EPHA6: variants seen among roughly 807,000 people sequenced by gnomAD.
The protein encoded by EPHA6 is ephrin type-A receptor 6.
EPHA6 carries 50 observed loss-of-function variants against 112.0 expected under a neutral mutation model. The observed-to-expected ratio is 0.45, with a 90% CI of 0.36 to 0.56. The LOEUF (loss-of-function observed/expected upper bound fraction) is 0.56. EPHA6 is among the 20% of genes least tolerant of loss of function. EPHA6 has a pLI of 0.00. For missense variants in EPHA6, 1,280 were observed against 1,417.4 expected, an observed-to-expected ratio of 0.90 and a Z score of 1.56; for synonymous variants, 529 against 490.7, an observed-to-expected ratio of 1.08 and a Z score of -1.03.
intron 3 of EPHA6, among the ~76,000 whole-genome samples, chr3:97,215,986 T>C (rs1019287136): frequency 6.6e-6 from 1 of 152,148 alleles, no homozygotes; most frequent in African/African-American, 2.4e-5. Context: ...ATGTTTACTC[T>C]AACAAGAAGA....
At chr3:97,109,715 A>G (rs1483953807) in intron 3 of EPHA6, among the ~76,000 whole-genome samples, 1 of 152,178 alleles carries the variant, frequency 6.6e-6, no homozygotes. Context: ...TTAACTGCAG[A>G]ATATTTACTG....
chr3:97,610,809 T>C lies in EPHA6; in HGVS notation c.2529T>C (p.Ile843=). Residue 843 remains isoleucine (I), a synonymous_variant, in exon 13 of 18, where the codon ATT becomes ATC. Transcript: ENST00000389672. ...CTTTTGCAGGCAGACCAGTAATGAT[T>C]GTGGTGGAATATATGGAGAATGGAT... ...PRIPAGRPVM[I]VVEYMENGSL... is the part of the protein sequence containing the mutation. 6.2e-7 allele frequency: 1 copy of C among 1,611,766 alleles called. No individual in the cohort carries two copies.
At chr3:97,493,987 A>G (rs1012553401) in intron 10 of EPHA6, among the ~76,000 whole-genome samples, 4 of 152,214 alleles carry the variant, frequency 2.6e-5, no homozygotes, top group African/African-American at 9.7e-5. Context: ...TAAGACTATA[A>G]GAAAGATTTC....
At chr3:97,109,315 G>A (rs559177633) in intron 3 of EPHA6, among the ~76,000 whole-genome samples, 3 of 152,194 alleles carry the variant, frequency 2.0e-5, no homozygotes, top group Non-Finnish European at 2.9e-5. Flanking sequence ...CAAATTTAGG[G>A]TGAAGACTGT....
At chr3:97,471,610 G>A (rs1256214168) in intron 7 of EPHA6, among the ~76,000 whole-genome samples, 1 of 151,648 alleles carries the variant, frequency 6.6e-6, no homozygotes, top group Non-Finnish European at 1.5e-5. Context: ...CAAGCACACA[G>A]AGTAATTGGA....
chr3:96,979,788 T>A (rs2042684214), intron 2 of EPHA6, among the ~76,000 whole-genome samples: 1 of 152,216 alleles, frequency 6.6e-6, no homozygotes, highest in Non-Finnish European at 1.5e-5. Flanking sequence ...GATTTGCATT[T>A]CTCTGATGGC....
At chr3:97,303,385 G>C (rs1327715430) in intron 5 of EPHA6, among the ~76,000 whole-genome samples, 1 of 151,972 alleles carries the variant, frequency 6.6e-6, no homozygotes, top group Non-Finnish European at 1.5e-5. Context: ...CAAACAAGGT[G>C]TTAAATAGTG....
chr3:97,309,061 A>G (rs1422952088), intron 5 of EPHA6, among the ~76,000 whole-genome samples: 1 of 151,746 alleles, frequency 6.6e-6, no homozygotes, highest in Non-Finnish European at 1.5e-5. Flanking sequence ...TCCTTGAATG[A>G]TTGATTTATG....
At chr3:97,224,996 C>A (rs1424401381) in intron 3 of EPHA6, among the ~76,000 whole-genome samples, 1 of 151,976 alleles carries the variant, frequency 6.6e-6, no homozygotes, top group East Asian at 1.9e-4. Flanking sequence ...CGCTCTGTCG[C>A]CCAGGCTGGA....
intron 3 of EPHA6, among the ~76,000 whole-genome samples, chr3:97,179,341 A>T (rs2108446767): frequency 6.6e-6 from 1 of 152,080 alleles, no homozygotes; most frequent in Non-Finnish European, 1.5e-5. Flanking sequence ...TCTGTCTGAA[A>T]AGTCATATAT....
chr3:97,004,939 T>C (rs897955970), intron 3 of EPHA6, among the ~76,000 whole-genome samples: 2 of 152,144 alleles, frequency 1.3e-5, no homozygotes, highest in Non-Finnish European at 2.9e-5. Flanking sequence ...GTGGTGTTAT[T>C]TCTGAGGTCT....
intron 6 of EPHA6, among the ~76,000 whole-genome samples, chr3:97,415,434 A>T (rs753414018): frequency 7.2e-5 from 11 of 152,070 alleles, no homozygotes; most frequent in Non-Finnish European, 8.8e-5. Flanking sequence ...TAAAAGATAT[A>T]GTTGAAGGCA....
chr3:97,736,113 C>A lies in EPHA6; in HGVS notation c.3123C>A (p.Ile1041=), dbSNP rs1218595775. Residue 1041 remains isoleucine (I), a synonymous_variant, in exon 16 of 18, where the codon ATC becomes ATA. Transcript: ENST00000389672. ...CCCTTCACACCCTGGTGGAGGACAT[C>A]CTTGTGTAAGAGGCATAATGTTGAG... ...PSALHTLVED[I]LVMPESPGEV... The A allele has an allele frequency of 3.7e-6, 6 of 1,610,378 alleles. No homozygotes were observed. Among genetic ancestry groups the A allele is most frequent in the Middle Eastern group, 1.7e-4 (1 of 6,026 alleles).
chr3:96,854,066 C>G (rs2035549373), intron 1 of EPHA6, among the ~76,000 whole-genome samples: 1 of 151,486 alleles, frequency 6.6e-6, no homozygotes, highest in South Asian at 2.1e-4. Context: ...TTATAAATTC[C>G]TCACCTACTC....
At chr3:97,670,411 C>T (rs2107656684) in intron 14 of EPHA6, among the ~76,000 whole-genome samples, 1 of 152,310 alleles carries the variant, frequency 6.6e-6, no homozygotes, top group Non-Finnish European at 1.5e-5. Context: ...CTCTAGTACT[C>T]AGGTCAAAAA....
At position 97,170,124 on chromosome 3, in the gene EPHA6, G is replaced by GAA. The variant is rs11463071; in HGVS notation, c.1115-56130_1115-56129dup. Among the ~76,000 whole-genome samples, 1,266 of 142,112 alleles carry GAA rather than the reference G, an allele frequency of 8.9e-3. 22 individuals carry two copies. The highest frequency in any genetic ancestry group is 0.028 in the African/African-American group (1,125 of 39,784). 93.2% of individuals were successfully genotyped at this position (142,112 alleles called of 152,430 possible). A position where few individuals can be genotyped will look rare whatever the true frequency, so the allele number is the denominator to read the frequency against. On this transcript the variant is annotated intron_variant, in intron 3 of 17. Coordinates refer to ENST00000389672, the MANE Select transcript of EPHA6 (RefSeq NM_001080448.3). ...TAGCACATGTATCCCAGAACTTAAA[G>GAA]AAAAAAAAAAAGCCAAAATAGAAGG...
At chr3:97,261,522 T>A (rs2079501939) in intron 5 of EPHA6, among the ~76,000 whole-genome samples, 1 of 152,202 alleles carries the variant, frequency 6.6e-6, no homozygotes, top group Non-Finnish European at 1.5e-5. Context: ...ATCACAAAAT[T>A]TTTAACTTGT....
intron 3 of EPHA6, among the ~76,000 whole-genome samples, chr3:97,220,685 A>T (rs1186987877): frequency 6.6e-6 from 1 of 152,178 alleles, no homozygotes; most frequent in Non-Finnish European, 1.5e-5. Context: ...TGATTCAATT[A>T]TATCCACGTG....
intron 1 of EPHA6, among the ~76,000 whole-genome samples, chr3:96,825,959 A>G (rs2033632891): frequency 3.9e-5 from 6 of 152,022 alleles, no homozygotes; most frequent in South Asian, 2.1e-4. Context: ...TTAGAGGTCT[A>G]CTGATAACGC....
Sources: allele counts gnomAD v4.1 joint callset (sites outside exome capture counted in the v4.1 genomes callset), GRCh38; gene constraint gnomAD v4.1.1; transcripts MANE v1.5; gene names NCBI Gene and HGNC (gene_info 2026-07-23, HGNC 2026-07-21).